The following GLIS3 variants were observed in gnomAD, a reference collection of about 807,000 sequenced individuals.
The protein encoded by GLIS3 is zinc finger protein GLIS3.
Under a neutral mutation model 78.6 loss-of-function variants are expected in GLIS3, and 53 were observed. The observed-to-expected ratio is 0.67, with a 90% CI of 0.54 to 0.85. GLIS3 has a LOEUF of 0.85. Among genes scored for constraint, GLIS3 ranks in the 40% least tolerant of loss-of-function variants. The pLI is 0.00. For synonymous variants in GLIS3, 684 were observed against 509.9 expected, an observed-to-expected ratio of 1.34 and a Z score of -4.60; for missense variants, 1,703 against 1,231.1, an observed-to-expected ratio of 1.38 and a Z score of -5.74.
At chr9:4,208,278 C>T (rs1030799002) in intron 2 of GLIS3, among the ~76,000 whole-genome samples, 4 of 152,152 alleles carry the variant, frequency 2.6e-5, no homozygotes, top group Non-Finnish European at 4.4e-5. Flanking sequence ...GATAATTAAG[C>T]GGCTTGGGCA....
intron 2 of GLIS3, among the ~76,000 whole-genome samples, chr9:4,195,271 T>G (rs560807287): frequency 5.9e-5 from 9 of 152,206 alleles, no homozygotes; most frequent in Admixed American, 1.3e-4. Flanking sequence ...CCAGAGCTGC[T>G]CCCTTGGCTT....
intron 4 of GLIS3, among the ~76,000 whole-genome samples, chr9:3,974,710 A>G (rs943366399): frequency 3.3e-5 from 5 of 152,150 alleles, no homozygotes; most frequent in African/African-American, 1.2e-4. Context: ...GTTAAAGACT[A>G]TGAATTGCAG....
intron 4 of GLIS3, among the ~76,000 whole-genome samples, chr9:4,026,275 A>T (rs145334852): frequency 1.3e-3 from 205 of 152,374 alleles, no homozygotes; most frequent in African/African-American, 4.7e-3. Flanking sequence ...ACTACAGACC[A>T]GTCTCAATCA....
Position 3,937,017 on chromosome 9 carries a change from G to C in GLIS3, c.1872+11C>G. Reference sequence around the variant, plus strand: ...CTGGGTTGGAAACTGGAAAGCTCCTGCCATTCTTACGGTGTCCAGATGCGT... The same window carrying C: ...CTGGGTTGGAAACTGGAAAGCTCCTCCCATTCTTACGGTGTCCAGATGCGT... On this transcript the variant is annotated intron_variant, in intron 5 of 10. Transcript: ENST00000381971. 2 of 1,612,318 alleles carry C rather than the reference G, an allele frequency of 1.2e-6. No homozygotes were observed. The highest frequency in any genetic ancestry group is 1.7e-6 in the Non-Finnish European group (2 of 1,179,920).
the GLIS3 span, among the ~76,000 whole-genome samples, chr9:4,446,767 T>G: frequency 4.4e-4 from 67 of 151,576 alleles, no homozygotes; most frequent in African/African-American, 1.6e-3. Flanking sequence ...TGCCTCGGCC[T>G]CCCAAGGGGC....
chr9:4,389,988 C>G, the GLIS3 span, among the ~76,000 whole-genome samples: 1 of 152,312 alleles, frequency 6.6e-6, no homozygotes, highest in East Asian at 1.9e-4. Flanking sequence ...ATTATTCACT[C>G]ATTCTTTCTT....
the GLIS3 span, among the ~76,000 whole-genome samples, chr9:4,435,356 T>A: frequency 1.3e-5 from 2 of 152,188 alleles, no homozygotes; most frequent in Non-Finnish European, 2.9e-5. Context: ...GAAGGTTGGG[T>A]AATGTCCCAG....
At chr9:4,163,800 G>C (rs1371713403) in intron 2 of GLIS3, among the ~76,000 whole-genome samples, 1 of 152,208 alleles carries the variant, frequency 6.6e-6, no homozygotes, top group Non-Finnish European at 1.5e-5. Context: ...TAAGTGCTCA[G>C]TATGTTAGTT....
intron 7 of GLIS3, among the ~76,000 whole-genome samples, chr9:3,881,456 G>C (rs1013057671): frequency 6.6e-6 from 1 of 152,164 alleles, no homozygotes; most frequent in African/African-American, 2.4e-5. Context: ...GAAACTTGGT[G>C]TGCACACTCT....
upstream of GLIS3, among the ~76,000 whole-genome samples, chr9:4,301,398 A>C (rs530200915): frequency 2.0e-5 from 3 of 152,364 alleles, no homozygotes; most frequent in South Asian, 6.2e-4. Context: ...TCATAAAATG[A>C]AGCATGCAGC....
At chr9:3,969,347 C>G (rs777246303) in intron 4 of GLIS3, among the ~76,000 whole-genome samples, 1 of 152,096 alleles carries the variant, frequency 6.6e-6, no homozygotes, top group African/African-American at 2.4e-5. Flanking sequence ...AGCGAGCAAA[C>G]CTTGTGCTAT....
intron 8 of GLIS3, among the ~76,000 whole-genome samples, chr9:3,864,145 T>TG (rs1291350706): frequency 6.6e-6 from 1 of 151,872 alleles, no homozygotes; most frequent in Non-Finnish European, 1.5e-5. Context: ...AATTCTACTA[T>TG]GAAAAAAAAA....
At chr9:4,259,057 A>G (rs1206226904) in intron 2 of GLIS3, among the ~76,000 whole-genome samples, 4 of 152,094 alleles carry the variant, frequency 2.6e-5, no homozygotes, top group African/African-American at 7.2e-5. Flanking sequence ...GCCTCCCTGC[A>G]TAACTCCTCC....
In GLIS3 at chr9:3,870,280, G is replaced by T. The variant is rs1234041262; in HGVS notation, c.2297+9147C>A. On this transcript the variant is annotated intron_variant, in intron 8 of 10. Transcript: ENST00000381971. ...CTCAGGCTATGATGGAATAAAACAA[G>T]AATTCAATACCAGAAAGAACTTTGG... Among the ~76,000 whole-genome samples the T allele has an allele frequency of 1.3e-5, 2 of 151,980 alleles. 1 individual carries two copies. The highest frequency in any genetic ancestry group is 2.9e-5 in the Non-Finnish European group (2 of 67,994).
At chr9:4,265,467 T>C (rs1200477519) in intron 2 of GLIS3, among the ~76,000 whole-genome samples, 5 of 147,560 alleles carry the variant, frequency 3.4e-5, no homozygotes, top group African/African-American at 5.3e-5. Flanking sequence ...CAATCTCACA[T>C]CCGTCACATT....
intron 2 of GLIS3, among the ~76,000 whole-genome samples, chr9:4,235,547 C>T (rs1438319645): frequency 1.3e-5 from 2 of 152,162 alleles, no homozygotes; most frequent in Non-Finnish European, 2.9e-5. Flanking sequence ...CAGAAGAATT[C>T]ATTTACCCCC....
intron 2 of GLIS3, among the ~76,000 whole-genome samples, chr9:4,143,558 C>G (rs1450193311): frequency 7.6e-6 from 1 of 131,616 alleles, no homozygotes; most frequent in Non-Finnish European, 1.7e-5. Context: ...CAGAGCAAGA[C>G]TGTCTCAAAA....
chr9:4,292,790 G>GCTA (rs1816134238), intron 1 of GLIS3, among the ~76,000 whole-genome samples: 1 of 152,180 alleles, frequency 6.6e-6, no homozygotes, highest in African/African-American at 2.4e-5. Context: ...CTCTTACACT[G>GCTA]CTAAAGTGGG....
intron 2 of GLIS3, among the ~76,000 whole-genome samples, chr9:4,197,265 G>T (rs73398432): frequency 0.022 from 3,345 of 152,220 alleles, 131 homozygotes; most frequent in African/African-American, 0.077. Context: ...GTGCAAGGGG[G>T]CCCTCTCCAC....
Sources: allele counts gnomAD v4.1 joint callset (sites outside exome capture counted in the v4.1 genomes callset), GRCh38; gene constraint gnomAD v4.1.1; transcripts MANE v1.5; gene names NCBI Gene and HGNC (gene_info 2026-07-23, HGNC 2026-07-21).